Variants in TPRG1 observed in about 807,000 individuals in gnomAD.
The protein encoded by TPRG1 is tumor protein p63-regulated gene 1 protein.
Under a neutral mutation model 29.3 loss-of-function variants are expected in TPRG1, and 29 were observed. The observed-to-expected ratio is 0.99, with a 90% CI of 0.74 to 1.35. The LOEUF is 1.35. Among genes scored for constraint, TPRG1 ranks in the 40% most tolerant of loss-of-function variants. The probability of loss-of-function intolerance (pLI) is 0.00; values close to 1 mark genes in which losing one functional copy is unlikely to be tolerated. For missense variants in TPRG1, 327 were observed against 335.0 expected, an observed-to-expected ratio of 0.98 and a Z score of 0.19; for synonymous variants, 130 against 116.8, an observed-to-expected ratio of 1.11 and a Z score of -0.73.
rs1186261329 is a variant in TPRG1, at chr3:189,320,828, T to G, written c.*8T>G. ...GGGAGTATTGGTTTTTGAGAGTCTT[T>G]TTGGTACCATAAGCATATCATCCAC... On this transcript the variant is annotated 3_prime_UTR_variant, in exon 6 of 6. Coordinates refer to ENST00000345063, the MANE Select transcript of TPRG1 (RefSeq NM_198485.4). 2 of 1,559,052 alleles carry G rather than the reference T, an allele frequency of 1.3e-6. No individual in the cohort carries two copies. Among genetic ancestry groups the G allele is most frequent in the South Asian group, 1.2e-5 (1 of 80,906 alleles).
At chr3:189,142,408 G>T (rs1357840146) in intron 3 of TPRG1, among the ~76,000 whole-genome samples, 2 of 152,106 alleles carry the variant, frequency 1.3e-5, no homozygotes, top group African/African-American at 4.8e-5. Context: ...TAAGGAGAGG[G>T]TAGAGGCATG....
chr3:189,109,049 A>G (rs1204542652), intron 1 of TPRG1, among the ~76,000 whole-genome samples: 1 of 151,904 alleles, frequency 6.6e-6, no homozygotes, highest in Non-Finnish European at 1.5e-5. Context: ...TTTTGCGGAG[A>G]AGGTAAAAGT....
intron 4 of TPRG1, among the ~76,000 whole-genome samples, chr3:189,030,970 A>G (rs1713899812): frequency 6.6e-6 from 1 of 152,200 alleles, no homozygotes; most frequent in South Asian, 2.1e-4. Flanking sequence ...TGGAGAAAAT[A>G]TTCAATAAAA....
intron 1 of TPRG1, among the ~76,000 whole-genome samples, chr3:189,108,991 C>T (rs190449608): frequency 2.8e-3 from 428 of 152,138 alleles, no homozygotes; most frequent in Non-Finnish European, 4.7e-3. Flanking sequence ...GCTTGTCTTT[C>T]TGACATTTGT....
At chr3:189,167,178 A>G (rs1728266525), upstream of TPRG1, among the ~76,000 whole-genome samples, 1 of 152,108 alleles carries the variant, frequency 6.6e-6, no homozygotes, top group Non-Finnish European at 1.5e-5. Context: ...CTCCAGCGTA[A>G]CCCACACTTC....
chr3:189,115,199 C>T (rs1187644120), intron 1 of TPRG1, among the ~76,000 whole-genome samples: 1 of 152,168 alleles, frequency 6.6e-6, no homozygotes, highest in Non-Finnish European at 1.5e-5. Context: ...AGTAAAACAG[C>T]TTTTTAAATT....
At chr3:189,073,804 A>G (rs772572266) in intron 4 of TPRG1, among the ~76,000 whole-genome samples, 2 of 152,174 alleles carry the variant, frequency 1.3e-5, no homozygotes, top group African/African-American at 4.8e-5. Context: ...CTCATGCACA[A>G]TATATACAGA....
chr3:189,171,264 C>T (rs1056376281), upstream of TPRG1, among the ~76,000 whole-genome samples: 1 of 152,144 alleles, frequency 6.6e-6, no homozygotes, highest in African/African-American at 2.4e-5. Context: ...TTACAGATGA[C>T]CAAAATTAAA....
At chr3:189,216,347 C>T (rs1736065188) in intron 3 of TPRG1, among the ~76,000 whole-genome samples, 1 of 152,156 alleles carries the variant, frequency 6.6e-6, no homozygotes, top group South Asian at 2.1e-4. Context: ...AGGAGGGCAA[C>T]ACTTGAATGT....
intron 4 of TPRG1, among the ~76,000 whole-genome samples, chr3:189,042,324 G>A (rs974389679): frequency 1.3e-5 from 2 of 151,970 alleles, no homozygotes; most frequent in Non-Finnish European, 2.9e-5. Context: ...CTTACCTTGT[G>A]TTTTATCCCT....
intron 4 of TPRG1, among the ~76,000 whole-genome samples, chr3:189,150,065 T>C (rs895889221): frequency 3.9e-5 from 6 of 152,240 alleles, no homozygotes; most frequent in African/African-American, 1.4e-4. Context: ...TATCACACTT[T>C]ATAACTAATG....
chr3:189,009,472 C>T (rs994549684), intron 3 of TPRG1, among the ~76,000 whole-genome samples: 2 of 152,036 alleles, frequency 1.3e-5, no homozygotes, highest in African/African-American at 4.8e-5. Context: ...TAAGGAGGGC[C>T]TGCGAAATTG....
rs1310691874 is a variant in TPRG1 at position 189,061,593 on chromosome 3, A to G, written c.-463+37647A>G. On this transcript the variant is annotated intron_variant, in intron 4 of 10. Transcript: ENST00000433971. ...CTATAGGGAACTTAAATTCACAAGA[A>G]AAAAACAAACAATCACATTAAAAAG... is the stretch of plus-strand genomic sequence containing the variant. Among the ~76,000 whole-genome samples the G allele has an allele frequency of 2.4e-4, 36 of 152,218 alleles. 2 individuals are homozygous for G. Among genetic ancestry groups the G allele is most frequent in the Admixed American group, 2.4e-3 (36 of 15,276 alleles).
chr3:189,156,021 G>A (rs1400663459), intron 5 of TPRG1, among the ~76,000 whole-genome samples: 6 of 152,150 alleles, frequency 3.9e-5, no homozygotes, highest in Middle Eastern at 3.4e-3. Context: ...GAGAAGTGAT[G>A]GTATGTTAAT....
At chr3:189,285,188 A>T (rs959110737) in intron 4 of TPRG1, among the ~76,000 whole-genome samples, 6 of 152,234 alleles carry the variant, frequency 3.9e-5, no homozygotes, top group African/African-American at 1.4e-4. Context: ...ACACAGAAAA[A>T]ATGCTCACTT....
Position 189,323,621 on chromosome 3 carries a change from C to T in TPRG1, c.*2801C>T, listed in dbSNP as rs1456816882. 1 of 152,082 alleles carries T rather than the reference C, an allele frequency of 6.6e-6. No individual in the cohort carries two copies. Among genetic ancestry groups the T allele is most frequent in the Non-Finnish European group, 1.5e-5 (1 of 67,992 alleles). The allele number at this position is 152,082 out of a possible 1,614,324, so 9.4% of individuals were successfully genotyped here. ...TCTCATTTTACACTTGGTGTTCTTA[C>T]TTGGGATCTTTGTCCTTAAGCTCAA... On this transcript the variant is annotated 3_prime_UTR_variant, in exon 6 of 6. Transcript: ENST00000345063.
intron 2 of TPRG1, among the ~76,000 whole-genome samples, chr3:189,003,831 A>G (rs1361502116): frequency 6.6e-6 from 1 of 152,048 alleles, no homozygotes; most frequent in African/African-American, 2.4e-5. Flanking sequence ...GTTCTTCTTC[A>G]AAGTTTTCCT....
At chr3:189,277,585 A>T (rs1209272986) in intron 4 of TPRG1, among the ~76,000 whole-genome samples, 1 of 152,204 alleles carries the variant, frequency 6.6e-6, no homozygotes, top group Non-Finnish European at 1.5e-5. Flanking sequence ...ACACGTTTGG[A>T]CAGTATACAG....
chr3:189,079,849 G>A (rs1027097100), intron 4 of TPRG1, among the ~76,000 whole-genome samples: 1 of 152,114 alleles, frequency 6.6e-6, no homozygotes, highest in Non-Finnish European at 1.5e-5. Flanking sequence ...AGCATTTTCC[G>A]AGGCATTCAT....
Sources: allele counts gnomAD v4.1 joint callset (sites outside exome capture counted in the v4.1 genomes callset), GRCh38; gene constraint gnomAD v4.1.1; transcripts MANE v1.5; gene names NCBI Gene and HGNC (gene_info 2026-07-23, HGNC 2026-07-21).